The following TENT2 variants were observed in gnomAD, a reference collection of about 807,000 sequenced individuals.
TENT2 encodes terminal nucleotidyltransferase 2, also known as poly(A) RNA polymerase GLD2.
A neutral mutation model predicts 72.2 loss-of-function variants in TENT2; 44 were observed. The ratio of observed to expected loss-of-function variants is 0.61; its 90% CI spans 0.48 to 0.78. The LOEUF (loss-of-function observed/expected upper bound fraction) is 0.78. TENT2 is among the 30% of genes least tolerant of loss of function. The pLI is 0.00. For synonymous variants in TENT2, 212 were observed against 192.5 expected (o/e 1.10, Z -0.84); for missense variants, 541 against 569.6 (o/e 0.95, Z 0.51).
chr5:79,664,075 C>T (rs942901213), intron 11 of TENT2, among the ~76,000 whole-genome samples: 2 of 151,898 alleles, frequency 1.3e-5, no homozygotes, highest in Non-Finnish European at 2.9e-5. Flanking sequence ...TGTAAGTAAT[C>T]TAGAGATGAT....
chr5:79,637,666 A>G (rs972270369), intron 4 of TENT2, among the ~76,000 whole-genome samples: 4 of 152,072 alleles, frequency 2.6e-5, no homozygotes, highest in Non-Finnish European at 4.4e-5. Flanking sequence ...GGCTTAAGCA[A>G]TGCACCTGCC....
chr5:79,670,354 T>A (rs1812019877), intron 12 of TENT2, among the ~76,000 whole-genome samples: 1 of 152,062 alleles, frequency 6.6e-6, no homozygotes, highest in African/African-American at 2.4e-5. Flanking sequence ...AGACGGAGTC[T>A]CACTGTGTTG....
At chr5:79,640,400 G>A (rs1186179284) in intron 4 of TENT2, among the ~76,000 whole-genome samples, 2 of 152,162 alleles carry the variant, frequency 1.3e-5, no homozygotes, top group South Asian at 2.1e-4. Flanking sequence ...ATTTGTGGGT[G>A]TGAATACTAG....
At chr5:79,654,160 G>C (rs1208302478) in intron 10 of TENT2, among the ~76,000 whole-genome samples, 1 of 152,192 alleles carries the variant, frequency 6.6e-6, no homozygotes, top group African/African-American at 2.4e-5. Flanking sequence ...GGCCGGGCAC[G>C]GTGGCTCACG....
intron 6 of TENT2, 100 bp downstream of exon 6, chr5:79,641,296 T>G: frequency 1.0e-6 from 1 of 1,002,838 alleles, no homozygotes; most frequent in Non-Finnish European, 1.4e-6. Context: ...TTTGTTGTGA[T>G]TACTTCTTTG....
chr5:79,660,200 T>C (rs1407214213), intron 11 of TENT2, among the ~76,000 whole-genome samples: 1 of 151,890 alleles, frequency 6.6e-6, no homozygotes, highest in East Asian at 1.9e-4. Context: ...GCTATAAACA[T>C]CATTGTCTCT....
chr5:79,647,252 G>A (rs1266732869), intron 8 of TENT2, among the ~76,000 whole-genome samples: 3 of 152,110 alleles, frequency 2.0e-5, no homozygotes, highest in African/African-American at 7.2e-5. Context: ...ATATAAATAA[G>A]TATTTTGTGC....
intron 4 of TENT2, among the ~76,000 whole-genome samples, chr5:79,636,835 A>G (rs1780517310): frequency 6.6e-6 from 1 of 152,156 alleles, no homozygotes; most frequent in Middle Eastern, 3.2e-3. Context: ...TAAATATTTC[A>G]TGCTTTTTGC....
chr5:79,633,746 T>C (rs1395004213), intron 4 of TENT2, among the ~76,000 whole-genome samples: 2 of 151,056 alleles, frequency 1.3e-5, no homozygotes, highest in African/African-American at 4.9e-5. Context: ...TTTTCCACTT[T>C]CTTTTACTCA....
chr5:79,640,840 G>T lies in TENT2; in HGVS notation c.466-11G>T. ...AACAAAACTTTTACTTTTTTTTGCG[G>T]TGGATTCAAGTTGAGTCAGCAGATA... On this transcript the variant is annotated splice_polypyrimidine_tract_variant and intron_variant, in intron 4 of 14. Coordinates refer to ENST00000453514, the MANE Select transcript of TENT2 (RefSeq NM_001114394.3). The T allele has an allele frequency of 6.4e-7, 1 of 1,567,482 alleles. No individual in the cohort carries two copies. The highest frequency in any genetic ancestry group is 1.9e-5 in the Admixed American group (1 of 51,484).
chr5:79,637,648 G>T (rs1052500816), intron 4 of TENT2, among the ~76,000 whole-genome samples: 1 of 152,016 alleles, frequency 6.6e-6, no homozygotes, highest in Admixed American at 6.6e-5. Context: ...GCTTGTCTCG[G>T]ATTCCTGGGC....
At position 79,682,067 on chromosome 5, in the gene TENT2, CAA is replaced by C; in HGVS notation, c.1380+7_1380+8del. ...TCAAGGATCAATTTTTAAAGGTAAA[CAA>C]TGCATTAGATCAACCCTAGAAACAT... On this transcript the variant is annotated splice_region_variant and intron_variant, in intron 14 of 14. Coordinates refer to ENST00000453514, the MANE Select transcript of TENT2 (RefSeq NM_001114394.3). The C allele has an allele frequency of 6.2e-7, 1 of 1,602,358 alleles. No individual in the cohort carries two copies. Among genetic ancestry groups the C allele is most frequent in the Non-Finnish European group, 8.5e-7 (1 of 1,170,526 alleles).
chr5:79,634,226 C>T (rs1778246428), intron 4 of TENT2, among the ~76,000 whole-genome samples: 1 of 151,344 alleles, frequency 6.6e-6, no homozygotes, highest in Non-Finnish European at 1.5e-5. Flanking sequence ...GTGTTGACTT[C>T]AGACAATGGC....
chr5:79,634,519 A>G (rs1778502136), intron 4 of TENT2, among the ~76,000 whole-genome samples: 1 of 151,874 alleles, frequency 6.6e-6, no homozygotes, highest in Non-Finnish European at 1.5e-5. Context: ...TTGTATTTTT[A>G]GTAGAGATGG....
At chr5:79,614,518 C>G (rs1200435078) in intron 1 of TENT2, among the ~76,000 whole-genome samples, 1 of 152,162 alleles carries the variant, frequency 6.6e-6, no homozygotes, top group Non-Finnish European at 1.5e-5. Flanking sequence ...CCAGTATACT[C>G]TTTCATGGTC....
chr5:79,622,037 A>G (rs946825468), intron 3 of TENT2, among the ~76,000 whole-genome samples: 8 of 152,104 alleles, frequency 5.3e-5, no homozygotes, highest in Admixed American at 1.3e-4. Flanking sequence ...GCAGTGTCTC[A>G]TGCCTGTAAT....
intron 1 of TENT2, among the ~76,000 whole-genome samples, chr5:79,616,106 C>T (rs868286035): frequency 3.3e-5 from 5 of 150,272 alleles, no homozygotes; most frequent in East Asian, 2.0e-4. Context: ...AGGCTGGTCT[C>T]GAACTCCTGA....
Position 79,623,344 on chromosome 5 carries a change from T to TTC in TENT2, c.320_321insTC (p.Pro108ArgfsTer23). ...GAGCCAACTGTAGTTAACCAGATAG[T>TTC]GCCTTTATCAGGTGAACGAAGATAC... On this transcript the variant is annotated frameshift_variant, in exon 4 of 15. Transcript: ENST00000453514. LOFTEE classifies it high-confidence loss of function. 6.2e-7 allele frequency: 1 copy of TTC among 1,613,532 alleles called. No homozygotes were observed. Among genetic ancestry groups the TTC allele is most frequent in the Non-Finnish European group, 8.5e-7 (1 of 1,179,710 alleles).
Position 79,645,123 on chromosome 5 carries a change from C to G in TENT2, c.752C>G (p.Ser251Trp). The change falls in exon 8 of 15, where the codon TCG (serine) becomes TGG (tryptophan). Residue 251 changes from serine to tryptophan, a missense_variant and splice_region_variant. Physicochemically the swap from Ser to Trp is radical, Grantham distance 177 (BLOSUM62 -3). Coordinates refer to ENST00000453514, the MANE Select transcript of TENT2 (RefSeq NM_001114394.3). ...ATTCACATTATCTTTTGTCTTTCAG[C>G]GGGCTACATTGAGAGACCTCAGCTG... ...LVHKHFCTRL[S>W]GYIERPQLIR... 6.3e-7 allele frequency: 1 copy of G among 1,592,444 alleles called. No individual in the cohort carries two copies. The highest frequency in any genetic ancestry group is 8.5e-7 in the Non-Finnish European group (1 of 1,170,386).
Sources: allele counts gnomAD v4.1 joint callset (sites outside exome capture counted in the v4.1 genomes callset), GRCh38; gene constraint gnomAD v4.1.1; transcripts MANE v1.5; gene names NCBI Gene and HGNC (gene_info 2026-07-23, HGNC 2026-07-21).